The following RYR2 variants were observed in gnomAD, a reference collection of about 807,000 sequenced individuals.
The protein encoded by RYR2 is cardiac muscle ryanodine receptor-calcium release channel.
In RYR2, 227 loss-of-function variants were observed where a neutral mutation model predicts 601.1. The ratio of observed to expected loss-of-function variants is 0.38; its 90% CI spans 0.34 to 0.42. RYR2 has a LOEUF of 0.42. Among genes scored for constraint, RYR2 ranks in the 10% least tolerant of loss-of-function variants. RYR2 has a pLI of 1.00. For synonymous variants in RYR2, 2,223 were observed against 2,175.1 expected (o/e 1.02, Z -0.61); for missense variants, 4,646 against 6,156.5 (o/e 0.75, Z 8.21).
chr1:237,795,873 T>TACAC (rs57000176), intron 96 of RYR2, among the ~76,000 whole-genome samples: 32 of 140,890 alleles, frequency 2.3e-4, no homozygotes, highest in African/African-American at 5.9e-4. Context: ...TATATATATA[T>TACAC]ACACATATAT....
chr1:237,332,282 T>A (rs1035525680), intron 3 of RYR2, among the ~76,000 whole-genome samples: 6 of 152,180 alleles, frequency 3.9e-5, no homozygotes, highest in Non-Finnish European at 2.9e-5. Flanking sequence ...GTGCATTAAT[T>A]CTAAATTAAA....
intron 2 of RYR2, among the ~76,000 whole-genome samples, chr1:237,322,564 C>G (rs955972131): frequency 2.6e-5 from 4 of 152,066 alleles, no homozygotes; most frequent in Non-Finnish European, 5.9e-5. Context: ...TACAAAATAT[C>G]CCTGTCACAG....
At chr1:237,488,621 G>C (rs571074647) in intron 17 of RYR2, among the ~76,000 whole-genome samples, 2 of 152,118 alleles carry the variant, frequency 1.3e-5, no homozygotes, top group Non-Finnish European at 1.5e-5. Flanking sequence ...AGTGAAAATA[G>C]CCTTAACCGA....
chr1:237,498,302 G>A (rs900899572), intron 20 of RYR2, among the ~76,000 whole-genome samples: 16 of 152,036 alleles, frequency 1.1e-4, no homozygotes, highest in Admixed American at 8.5e-4. Flanking sequence ...TTGTACAAAG[G>A]CGACCTGTGC....
At position 237,610,976 on chromosome 1, in the gene RYR2, C is replaced by T; in HGVS notation, c.4898C>T (p.Pro1633Leu). 6.2e-7 allele frequency: 1 copy of T among 1,612,216 alleles called. No homozygotes were observed. The highest frequency in any genetic ancestry group is 8.5e-7 in the Non-Finnish European group (1 of 1,179,144). The change falls in exon 36 of 105, where the codon CCT becomes CTT. Residue 1633 changes from proline to leucine, a missense_variant. By Grantham distance (98) the Pro-to-Leu change is moderately conservative. Transcript: ENST00000366574. This position sits in a 1 kb window ranked among gnomAD's most constrained non-coding sequence, Gnocchi z 4.9. ...CTGCAGTTCATGTCTCTTCATATCC[C>T]TGAGGAAAACAGGTCAGCCCCAGTG... is the stretch of plus-strand genomic sequence containing the variant. Reference protein sequence around the residue: ...DPLQFMSLHIPEENRSVDILE... With the variant: ...DPLQFMSLHILEENRSVDILE...
At chr1:237,184,336 A>C (rs949214838) in intron 1 of RYR2, among the ~76,000 whole-genome samples, 1 of 152,218 alleles carries the variant, frequency 6.6e-6, no homozygotes, top group Non-Finnish European at 1.5e-5. Flanking sequence ...CTTTCTCCCA[A>C]TTATGAGATG....
rs773394199 is a variant in RYR2 at position 237,377,305 on chromosome 1, A to G, written c.464-18A>G. 4.5e-6 allele frequency: 7 copies of G among 1,563,368 alleles called. No homozygotes were observed. Among genetic ancestry groups the G allele is most frequent in the Non-Finnish European group, 5.2e-6 (6 of 1,148,910 alleles). On this transcript the variant is annotated intron_variant, in intron 7 of 104. Transcript: ENST00000366574. ...TAAGAGGAACTTTTTCATGTTTCAC[A>G]TATCCGTATATCTGCAGGGGAGGCT...
chr1:237,148,787 G>A (rs1022031748), intron 1 of RYR2, among the ~76,000 whole-genome samples: 2 of 151,900 alleles, frequency 1.3e-5, no homozygotes, highest in Non-Finnish European at 2.9e-5. Context: ...TACCGACTTC[G>A]TAGGATTGTT....
intron 3 of RYR2, among the ~76,000 whole-genome samples, chr1:237,345,298 C>T (rs1558657735): frequency 6.6e-6 from 1 of 151,722 alleles, no homozygotes. Context: ...TTTCTGTATT[C>T]CTCTGTGTAC....
intron 27 of RYR2, among the ~76,000 whole-genome samples, chr1:237,554,255 A>G (rs1033799035): frequency 2.6e-4 from 39 of 151,960 alleles, no homozygotes; most frequent in African/African-American, 9.4e-4. Flanking sequence ...TGAACAGATT[A>G]TGTATTTTTC....
At chr1:237,576,804 A>G (rs1180539688) in intron 29 of RYR2, among the ~76,000 whole-genome samples, 1 of 152,210 alleles carries the variant, frequency 6.6e-6, no homozygotes, top group Non-Finnish European at 1.5e-5. Flanking sequence ...AAATGATGAA[A>G]AGGTATGAAC....
chr1:237,594,638 T>A (rs1015746902), intron 33 of RYR2, among the ~76,000 whole-genome samples: 2 of 152,124 alleles, frequency 1.3e-5, no homozygotes, highest in African/African-American at 2.4e-5. Flanking sequence ...TTGGATTTTA[T>A]GTAGATAGTG....
chr1:237,081,596 A>G (rs879583621), intron 1 of RYR2, among the ~76,000 whole-genome samples: 12 of 151,976 alleles, frequency 7.9e-5, no homozygotes, highest in Non-Finnish European at 1.5e-4. Flanking sequence ...GATATGTGTT[A>G]CATATATGGC....
intron 1 of RYR2, among the ~76,000 whole-genome samples, chr1:237,130,150 T>C (rs966555968): frequency 1.3e-5 from 2 of 152,008 alleles, no homozygotes; most frequent in Admixed American, 1.3e-4. Context: ...TTAATTAGTT[T>C]GAGTTAATCA....
At chr1:237,560,733 G>A (rs1671365544) in intron 27 of RYR2, among the ~76,000 whole-genome samples, 1 of 152,164 alleles carries the variant, frequency 6.6e-6, no homozygotes, top group Admixed American at 6.5e-5. Flanking sequence ...CATTAATTCT[G>A]TGGAGAAGAG....
At chr1:237,166,429 T>TTGC (rs1381449637) in intron 1 of RYR2, among the ~76,000 whole-genome samples, 4 of 152,232 alleles carry the variant, frequency 2.6e-5, no homozygotes, top group African/African-American at 9.6e-5. Context: ...AATTTGAGAT[T>TTGC]TGCTATTCTT....
intron 1 of RYR2, among the ~76,000 whole-genome samples, chr1:237,107,069 A>G (rs978606786): frequency 1.2e-4 from 19 of 152,206 alleles, no homozygotes; most frequent in African/African-American, 3.9e-4. Flanking sequence ...TGGGGGAAAT[A>G]AAAGGCTGGA....
intron 17 of RYR2, among the ~76,000 whole-genome samples, chr1:237,489,340 C>T (rs1407565424): frequency 6.6e-6 from 1 of 152,168 alleles, no homozygotes; most frequent in East Asian, 1.9e-4. Context: ...GATACCATCT[C>T]ATACCAGTCA....
intron 1 of RYR2, among the ~76,000 whole-genome samples, chr1:237,116,198 G>A (rs1670060484): frequency 6.6e-6 from 1 of 152,108 alleles, no homozygotes; most frequent in Non-Finnish European, 1.5e-5. Flanking sequence ...TTGCAGAAGG[G>A]GAAGGGGAAC....
Sources: gnomAD v4.1 joint callset for allele counts (sites outside exome capture counted in the v4.1 genomes callset) on GRCh38, gnomAD v4.1.1 for gene constraint, Gnocchi (gnomAD v3.1) non-coding constraint, MANE v1.5 for transcripts, NCBI Gene and HGNC (gene_info 2026-07-23, HGNC 2026-07-21) for gene names.